EPB41L4B: variants seen among roughly 807,000 people sequenced by gnomAD.
EPB41L4B encodes erythrocyte membrane protein band 4.1 like 4B.
A neutral mutation model predicts 112.5 loss-of-function variants in EPB41L4B; 30 were observed. The ratio of observed to expected loss-of-function variants is 0.27; its 90% confidence interval spans 0.20 to 0.36. The LOEUF is 0.36. Ranked by LOEUF, EPB41L4B falls within the 10% of genes least tolerant of loss-of-function variation. The probability of loss-of-function intolerance (pLI) is 1.00; values close to 1 mark genes in which losing one functional copy is unlikely to be tolerated. For missense variants in EPB41L4B, 1,024 were observed against 1,133.3 expected (o/e 0.90, Z 1.38); for synonymous variants, 408 against 439.7 (o/e 0.93, Z 0.90).
intron 1 of EPB41L4B, among the ~76,000 whole-genome samples, chr9:109,285,885 C>T (rs183056600): frequency 8.5e-4 from 130 of 152,248 alleles, no homozygotes; most frequent in African/African-American, 2.9e-3. Context: ...CTCCTGCCCC[C>T]GGAGAAGTAA....
At chr9:109,289,291 A>G (rs1371924721) in intron 1 of EPB41L4B, among the ~76,000 whole-genome samples, 1 of 152,182 alleles carries the variant, frequency 6.6e-6, no homozygotes, top group African/African-American at 2.4e-5. Flanking sequence ...CATACACAGC[A>G]GGCCCCGCCT....
chr9:109,222,978 G>A (rs1293527960), intron 15 of EPB41L4B, among the ~76,000 whole-genome samples: 2 of 152,094 alleles, frequency 1.3e-5, no homozygotes, highest in Admixed American at 6.5e-5. Context: ...AGAAAAGCTA[G>A]TGTTCCTACT....
intron 15 of EPB41L4B, among the ~76,000 whole-genome samples, chr9:109,220,319 G>A (rs1447355375): frequency 6.6e-6 from 1 of 152,230 alleles, no homozygotes; most frequent in Non-Finnish European, 1.5e-5. Context: ...AGCAGGAAGG[G>A]AGACTAAGAC....
At chr9:109,226,607 C>CATATATATAT (rs3081622) in intron 15 of EPB41L4B, among the ~76,000 whole-genome samples, 84 of 90,822 alleles carry the variant, frequency 9.2e-4, no homozygotes, top group African/African-American at 3.4e-3. Context: ...TTGGATTTTT[C>CATATATATAT]ATATATATAT....
chr9:109,227,711 A>G (rs2118892297), intron 15 of EPB41L4B, among the ~76,000 whole-genome samples: 1 of 152,012 alleles, frequency 6.6e-6, no homozygotes, highest in Non-Finnish European at 1.5e-5. Context: ...CCTCTTGAGT[A>G]GCTTGGACTA....
At chr9:109,238,075 G>C (rs987544043) in intron 15 of EPB41L4B, among the ~76,000 whole-genome samples, 17 of 152,148 alleles carry the variant, frequency 1.1e-4, no homozygotes, top group Non-Finnish European at 2.2e-4. Context: ...TGGAATACAG[G>C]CTGCTTGGTT....
At chr9:109,200,184 C>G in intron 20 of EPB41L4B, 52 bp downstream of exon 20, 1 of 1,469,276 alleles carries the variant, frequency 6.8e-7, no homozygotes. Context: ...TGTATCTAAA[C>G]AATTAGTCAT....
intron 1 of EPB41L4B, among the ~76,000 whole-genome samples, chr9:109,298,218 C>A (rs1275733817): frequency 6.6e-6 from 1 of 152,020 alleles, no homozygotes; most frequent in Non-Finnish European, 1.5e-5. Context: ...TTAGGGTGAG[C>A]TACTGTGAAT....
chr9:109,249,068 A>ATAT (rs1335587254), intron 13 of EPB41L4B, among the ~76,000 whole-genome samples: 2 of 147,308 alleles, frequency 1.4e-5, no homozygotes, highest in African/African-American at 5.0e-5. Flanking sequence ...CAAAAAAAAA[A>ATAT]AAAAATATAT....
chr9:109,249,994 T>C (rs1361147393), intron 13 of EPB41L4B, among the ~76,000 whole-genome samples: 1 of 152,158 alleles, frequency 6.6e-6, no homozygotes, highest in Non-Finnish European at 1.5e-5. Context: ...CCTGGGTTCC[T>C]TGAAGGTGCC....
chr9:109,231,096 T>C (rs1833939094), intron 15 of EPB41L4B, among the ~76,000 whole-genome samples: 1 of 150,898 alleles, frequency 6.6e-6, no homozygotes, highest in African/African-American at 2.5e-5. Context: ...GAGGTGGAGG[T>C]TGCAGTGAGC....
chr9:109,288,974 T>G (rs1836417177), intron 1 of EPB41L4B, among the ~76,000 whole-genome samples: 1 of 152,108 alleles, frequency 6.6e-6, no homozygotes, highest in Non-Finnish European at 1.5e-5. Context: ...ATCTAAGGTA[T>G]TTAGTCACGG....
chr9:109,204,843 G>A (rs539233502), intron 18 of EPB41L4B, among the ~76,000 whole-genome samples: 8 of 152,116 alleles, frequency 5.3e-5, no homozygotes, highest in Non-Finnish European at 1.2e-4. Flanking sequence ...TGGTCTGTTT[G>A]ACTTCTGCTT....
chr9:109,218,108 T>C (rs946462780), intron 15 of EPB41L4B, among the ~76,000 whole-genome samples: 2 of 147,872 alleles, frequency 1.4e-5, no homozygotes, highest in Non-Finnish European at 3.0e-5. Context: ...CTTGAATATA[T>C]CTCTAATACT....
intron 1 of EPB41L4B, chr9:109,301,153 C>T (rs770378989): frequency 2.6e-5 from 4 of 152,376 alleles, no homozygotes; most frequent in Admixed American, 6.5e-5. Flanking sequence ...TTAGCCCCAA[C>T]GCCCTGAGAT....
At chr9:109,282,680 G>A (rs1266306064) in intron 1 of EPB41L4B, among the ~76,000 whole-genome samples, 1 of 152,180 alleles carries the variant, frequency 6.6e-6, no homozygotes, top group East Asian at 1.9e-4. Context: ...GAACCACTCA[G>A]GACAAATGAT....
chr9:109,216,994 T>C lies in EPB41L4B; in HGVS notation c.1561A>G (p.Ser521Gly). ...TTGTTCTCCAGGGTCAGTGAGAGGC[T>C]GTAGTTTGAGTGGTGCTGGTGCTGA... ...QHQHQHHSNY[S>G]LSLTLENKEG... Residue 521 changes from serine to glycine, a missense_variant, in exon 16 of 26, where the codon AGC becomes GGC. By Grantham distance (56) the Ser-to-Gly change is moderately conservative. Coordinates refer to ENST00000374566, the MANE Select transcript of EPB41L4B (RefSeq NM_019114.5). 6.2e-7 allele frequency: 1 copy of C among 1,614,200 alleles called. No homozygotes were observed. The highest frequency in any genetic ancestry group is 1.1e-5 in the South Asian group (1 of 91,070).
chr9:109,315,352 T>C (rs944568014), intron 1 of EPB41L4B, among the ~76,000 whole-genome samples: 7 of 152,130 alleles, frequency 4.6e-5, no homozygotes, highest in African/African-American at 1.7e-4. Context: ...AATCAAGAAA[T>C]TCTCGGGGTG....
In EPB41L4B at chr9:109,174,483, G is replaced by T; in HGVS notation, c.*71C>A. On this transcript the variant is annotated 3_prime_UTR_variant, in exon 26 of 26. Coordinates refer to ENST00000374566, the MANE Select transcript of EPB41L4B (RefSeq NM_019114.5). ...ACACTTGTATGCTGTGCTAGAGTGA[G>T]CACACAAAGCCCGAAGAAAGAAGAC... is the stretch of plus-strand genomic sequence containing the variant. The T allele has an allele frequency of 7.1e-7, 1 of 1,402,716 alleles. No individual in the cohort carries two copies. The highest frequency in any genetic ancestry group is 1.0e-6 in the Non-Finnish European group (1 of 987,520). 86.9% of individuals were successfully genotyped at this position (1,402,716 alleles called of 1,614,324 possible).
Sources: gnomAD v4.1 joint callset for allele counts (sites outside exome capture counted in the v4.1 genomes callset) on GRCh38, gnomAD v4.1.1 for gene constraint, MANE v1.5 for transcripts, NCBI Gene and HGNC (gene_info 2026-07-23, HGNC 2026-07-21) for gene names.